Variants in CMTM7 observed in about 807,000 individuals in gnomAD.
CMTM7 encodes CKLF like MARVEL transmembrane domain containing 7.
Under a neutral mutation model 19.3 loss-of-function variants are expected in CMTM7, and 7 were observed. That is an observed-to-expected ratio of 0.36 (90% CI 0.21 to 0.68). CMTM7 has a LOEUF of 0.68. CMTM7 is among the 30% of genes least tolerant of loss of function. The pLI, the probability that CMTM7 is intolerant of heterozygous loss-of-function variation, is 0.60. For synonymous variants in CMTM7, 87 were observed against 99.3 expected, an observed-to-expected ratio of 0.88 and a Z score of 0.74; for missense variants, 193 against 232.6, an observed-to-expected ratio of 0.83 and a Z score of 1.11.
At chr3:32,452,520 G>C (rs765515635) in intron 4 of CMTM7, 47 bp downstream of exon 4, 2 of 1,586,038 alleles carry the variant, frequency 1.3e-6, no homozygotes, top group Non-Finnish European at 1.7e-6. Flanking sequence ...GGAACAGGGG[G>C]ATGGCTTGTT....
intron 1 of CMTM7, among the ~76,000 whole-genome samples, chr3:32,433,323 T>C (rs545855351): frequency 1.7e-4 from 26 of 152,298 alleles, no homozygotes; most frequent in African/African-American, 5.5e-4. Flanking sequence ...AGTGATGTGA[T>C]TGTGGTACAG....
At chr3:32,413,679 AG>A (rs1456220957) in intron 1 of CMTM7, among the ~76,000 whole-genome samples, 2 of 152,226 alleles carry the variant, frequency 1.3e-5, no homozygotes, top group African/African-American at 4.8e-5. Context: ...TCAGCCATTT[AG>A]GAACCCCAGC....
Position 32,449,433 on chromosome 3 carries a change from T to C in CMTM7, c.334-21T>C. ...GAAATGGACGGCCCTACCCACTTAT[T>C]TGCTTTGTTTCTGCCCCCAGGAACT... On this transcript the variant is annotated intron_variant, in intron 2 of 4. Coordinates refer to ENST00000334983, the MANE Select transcript of CMTM7 (RefSeq NM_138410.4). This position sits in a 1 kb window ranked among gnomAD's most constrained non-coding sequence, Gnocchi z 4.5. The C allele has an allele frequency of 2.5e-6, 4 of 1,571,888 alleles. No individual in the cohort carries two copies. Among genetic ancestry groups the C allele is most frequent in the Non-Finnish European group, 3.5e-6 (4 of 1,141,574 alleles).
chr3:32,442,881 C>T (rs951710007), intron 2 of CMTM7, among the ~76,000 whole-genome samples: 1 of 152,142 alleles, frequency 6.6e-6, no homozygotes, highest in African/African-American at 2.4e-5. Flanking sequence ...AGAACATTTT[C>T]ATCATTTCAG....
At chr3:32,450,556 G>A (rs909347042) in intron 3 of CMTM7, among the ~76,000 whole-genome samples, 3 of 152,064 alleles carry the variant, frequency 2.0e-5, no homozygotes, top group African/African-American at 7.2e-5. Flanking sequence ...GTCAGCATGG[G>A]GGCAGAAGGT....
intron 1 of CMTM7, among the ~76,000 whole-genome samples, chr3:32,437,904 A>C (rs1394298246): frequency 6.6e-6 from 1 of 152,030 alleles, no homozygotes; most frequent in Non-Finnish European, 1.5e-5. Context: ...AAATAAAATA[A>C]ATAAAATAAA....
intron 4 of CMTM7, 117 bp downstream of exon 4, chr3:32,452,590 T>C (rs939541290): frequency 9.7e-7 from 1 of 1,035,036 alleles, no homozygotes; most frequent in Non-Finnish European, 1.5e-6. Flanking sequence ...CAAGGGGACT[T>C]TAGAAGTAGT....
intron 1 of CMTM7, among the ~76,000 whole-genome samples, chr3:32,436,812 G>A (rs987001330): frequency 6.6e-6 from 1 of 152,090 alleles, no homozygotes; most frequent in Non-Finnish European, 1.5e-5. Context: ...TCCCAAGCAT[G>A]GGTGGCAGGA....
chr3:32,416,476 C>T (rs1215159860), intron 1 of CMTM7, among the ~76,000 whole-genome samples: 2 of 120,656 alleles, frequency 1.7e-5, no homozygotes. Context: ...CTGCAAGCTC[C>T]GCTTCCCGGG....
In CMTM7 at chr3:32,455,447, T is replaced by TG. The variant is rs1198338042; in HGVS notation, c.*1196dup. The TG allele has an allele frequency of 6.6e-6, 1 of 152,422 alleles. No individual in the cohort carries two copies. The highest frequency in any genetic ancestry group is 1.5e-5 in the Non-Finnish European group (1 of 68,230). The allele number at this position is 152,422 out of a possible 1,614,324, so 9.4% of individuals were successfully genotyped here. A position where few individuals can be genotyped will look rare whatever the true frequency, so the allele number is the denominator to read the frequency against. On this transcript the variant is annotated 3_prime_UTR_variant, in exon 5 of 5. Transcript: ENST00000334983. ...TTGCCGGAAATGGAAGCAGCCCCTG[T>TG]GGGCTTTGAGCTGGAGCTCTGGGGC... is the stretch of plus-strand genomic sequence containing the variant.
chr3:32,445,426 A>T (rs1315459464), intron 2 of CMTM7, among the ~76,000 whole-genome samples: 2 of 152,208 alleles, frequency 1.3e-5, no homozygotes, highest in African/African-American at 4.8e-5. Context: ...AAAGAGTATT[A>T]GATTTTGTCA....
intron 1 of CMTM7, among the ~76,000 whole-genome samples, chr3:32,428,239 C>G (rs1298221865): frequency 2.1e-5 from 3 of 142,542 alleles, no homozygotes; most frequent in Non-Finnish European, 4.7e-5. Context: ...AGAGGGCTCC[C>G]CAGGCCCTTT....
chr3:32,444,321 C>T (rs1696723131), intron 2 of CMTM7, among the ~76,000 whole-genome samples: 1 of 152,158 alleles, frequency 6.6e-6, no homozygotes, highest in African/African-American at 2.4e-5. Context: ...ACTATTCTTT[C>T]CCCCATTGAA....
intron 1 of CMTM7, among the ~76,000 whole-genome samples, chr3:32,400,815 T>A (rs1695991563): frequency 6.6e-6 from 1 of 152,232 alleles, no homozygotes; most frequent in Admixed American, 6.5e-5. Context: ...TGGTACACTG[T>A]GGCTCTGGGA....
intron 1 of CMTM7, among the ~76,000 whole-genome samples, chr3:32,424,015 T>G (rs558792325): frequency 9.2e-5 from 14 of 152,224 alleles, no homozygotes; most frequent in Non-Finnish European, 8.8e-5. Flanking sequence ...ACTCAAAAAT[T>G]TAATGGTGTA....
intron 1 of CMTM7, among the ~76,000 whole-genome samples, chr3:32,437,053 C>T (rs1213908856): frequency 6.6e-6 from 1 of 152,154 alleles, no homozygotes; most frequent in Non-Finnish European, 1.5e-5. Flanking sequence ...CCAGAGTCCT[C>T]AGGGGACCAT....
Position 32,448,820 on chromosome 3 carries a change from A to G in CMTM7, c.334-634A>G, listed in dbSNP as rs973088260. Reference sequence around the variant, plus strand: ...AAGGCAGGAAGGCTCAGGAGTGAGAAAGCCAGCTGCCACCACACATCCACA... The same window carrying G: ...AAGGCAGGAAGGCTCAGGAGTGAGAGAGCCAGCTGCCACCACACATCCACA... On this transcript the variant is annotated intron_variant, in intron 2 of 4. Coordinates refer to ENST00000334983, the MANE Select transcript of CMTM7 (RefSeq NM_138410.4). 2.8e-4 allele frequency among the ~76,000 whole-genome samples: 43 copies of G among 151,680 alleles called. 1 individual carries two copies. Among genetic ancestry groups the G allele is most frequent in the Middle Eastern group, 3.5e-3 (1 of 288 alleles).
chr3:32,430,272 T>A (rs1187733465), intron 1 of CMTM7, among the ~76,000 whole-genome samples: 2 of 152,332 alleles, frequency 1.3e-5, no homozygotes, highest in African/African-American at 4.8e-5. Context: ...TCATCTCATC[T>A]GCAATCATTA....
intron 1 of CMTM7, among the ~76,000 whole-genome samples, chr3:32,438,689 G>C (rs1392126088): frequency 6.6e-6 from 1 of 152,184 alleles, no homozygotes; most frequent in Non-Finnish European, 1.5e-5. Context: ...AATTCAGAAA[G>C]TGTTATTTCA....
Sources: allele counts gnomAD v4.1 joint callset (sites outside exome capture counted in the v4.1 genomes callset), GRCh38; gene constraint gnomAD v4.1.1; non-coding constraint Gnocchi (gnomAD v3.1); transcripts MANE v1.5; gene names NCBI Gene and HGNC (gene_info 2026-07-23, HGNC 2026-07-21).